Variants in PTPRG observed in about 807,000 individuals in gnomAD.
PTPRG encodes the protein protein tyrosine phosphatase receptor type G.
PTPRG carries 102 observed loss-of-function variants against 165.3 expected under a neutral mutation model. That is an observed-to-expected ratio of 0.62 (90% CI 0.53 to 0.73). The LOEUF (loss-of-function observed/expected upper bound fraction) is 0.73. Among genes scored for constraint, PTPRG ranks in the 30% least tolerant of loss-of-function variants. PTPRG has a pLI of 0.00. For missense variants in PTPRG, 1,866 were observed against 1,861.4 expected, an observed-to-expected ratio of 1.00 and a Z score of -0.05; for synonymous variants, 675 against 669.5, an observed-to-expected ratio of 1.01 and a Z score of -0.13.
chr3:62,067,128 T>C (rs994088760), intron 4 of PTPRG, among the ~76,000 whole-genome samples: 23 of 151,042 alleles, frequency 1.5e-4, no homozygotes, highest in Non-Finnish European at 4.4e-5. Context: ...GGTTCAGTAG[T>C]GGTGTGAAAG....
intron 3 of PTPRG, among the ~76,000 whole-genome samples, chr3:61,995,080 CTTTCTTTTTTT>C (rs2040991642): frequency 4.7e-5 from 5 of 107,382 alleles, no homozygotes; most frequent in Admixed American, 1.8e-4. Flanking sequence ...TCTTTTCTTT[CTTTCTTTTTTT>C]TTTTTTTTTT....
intron 27 of PTPRG, among the ~76,000 whole-genome samples, 180 bp from the exon 28 acceptor site, chr3:62,282,539 TAAAAAACA>T (rs1185567022): frequency 2.7e-5 from 4 of 145,906 alleles, no homozygotes; most frequent in Non-Finnish European, 6.0e-5. Flanking sequence ...ATGCTTTTTT[TAAAAAACA>T]AAAAAACAAA....
At chr3:61,713,391 T>G (rs2031660056) in intron 1 of PTPRG, among the ~76,000 whole-genome samples, 1 of 151,212 alleles carries the variant, frequency 6.6e-6, no homozygotes, top group Non-Finnish European at 1.5e-5. Context: ...CAGGATTGTC[T>G]CAAACTCCTG....
intron 1 of PTPRG, among the ~76,000 whole-genome samples, chr3:61,656,712 G>A (rs1702518928): frequency 6.6e-6 from 1 of 152,206 alleles, no homozygotes; most frequent in Admixed American, 6.5e-5. Flanking sequence ...CCTGGGTCAT[G>A]TCCAACATTC....
intron 2 of PTPRG, among the ~76,000 whole-genome samples, chr3:61,964,349 C>T (rs191447989): frequency 2.6e-5 from 4 of 152,248 alleles, no homozygotes; most frequent in Admixed American, 6.5e-5. Context: ...AGGCGGGAAA[C>T]GTCATGGGAA....
chr3:62,004,369 C>G (rs545099846), intron 4 of PTPRG, among the ~76,000 whole-genome samples: 3 of 152,208 alleles, frequency 2.0e-5, no homozygotes, highest in Non-Finnish European at 4.4e-5. Flanking sequence ...ATTGACCCTT[C>G]TGCTCTTAAA....
chr3:62,015,828 G>C (rs1010410), intron 4 of PTPRG, among the ~76,000 whole-genome samples: 133,461 of 152,138 alleles, frequency 0.88, 58,835 homozygotes, highest in East Asian at 1. Flanking sequence ...AGATGCTCGT[G>C]GAGGGGATAT....
chr3:61,713,466 C>T (rs932130041), intron 1 of PTPRG, among the ~76,000 whole-genome samples: 25 of 151,918 alleles, frequency 1.6e-4, no homozygotes, highest in African/African-American at 5.3e-4. Flanking sequence ...CCACTGCACC[C>T]GGGCTGAAAC....
rs114695467 is a variant in PTPRG at position 62,058,333 on chromosome 3, A to T, written c.520-19830A>T. ...ATGACATTTGGATATGCACTTATTT[A>T]TTATTATTATTATTTTTTTTAGAGA... On this transcript the variant is annotated intron_variant, in intron 4 of 29. Coordinates refer to ENST00000474889, the MANE Select transcript of PTPRG (RefSeq NM_002841.4). 6.8e-3 allele frequency among the ~76,000 whole-genome samples: 1,033 copies of T among 151,814 alleles called. 15 individuals are homozygous for T. The highest frequency in any genetic ancestry group is 0.024 in the African/African-American group (983 of 41,280).
At chr3:61,907,192 A>G (rs80258912) in intron 2 of PTPRG, among the ~76,000 whole-genome samples, 14 of 151,896 alleles carry the variant, frequency 9.2e-5, no homozygotes, top group Non-Finnish European at 1.3e-4. Context: ...ATTATAGAAT[A>G]TGATAACTAC....
chr3:61,757,584 T>G (rs573171461), intron 2 of PTPRG, among the ~76,000 whole-genome samples: 5 of 152,192 alleles, frequency 3.3e-5, no homozygotes, highest in Non-Finnish European at 7.3e-5. Flanking sequence ...TGAACTGATA[T>G]TGACTTAGTT....
chr3:61,785,078 A>G (rs747484819), intron 2 of PTPRG, among the ~76,000 whole-genome samples: 4 of 152,234 alleles, frequency 2.6e-5, no homozygotes, highest in Non-Finnish European at 5.9e-5. Context: ...GGCTAATTAC[A>G]TGCAGAAATG....
intron 2 of PTPRG, among the ~76,000 whole-genome samples, chr3:61,937,394 C>T (rs968267573): frequency 1.3e-5 from 2 of 152,174 alleles, no homozygotes; most frequent in Non-Finnish European, 2.9e-5. Context: ...TCTTTCACAT[C>T]CCAGACATGG....
intron 4 of PTPRG, among the ~76,000 whole-genome samples, chr3:62,076,439 A>C (rs1701387769): frequency 6.6e-6 from 1 of 152,228 alleles, no homozygotes; most frequent in Non-Finnish European, 1.5e-5. Flanking sequence ...TTTATGCCTA[A>C]GAAAGCTGGT....
chr3:61,762,672 C>T (rs1289668150), intron 2 of PTPRG, among the ~76,000 whole-genome samples: 2 of 152,120 alleles, frequency 1.3e-5, no homozygotes, highest in African/African-American at 4.8e-5. Flanking sequence ...CCTAAATTCC[C>T]ACGGAAGTCA....
At chr3:61,925,886 A>T (rs770833545) in intron 2 of PTPRG, 1 of 498,334 alleles carries the variant, frequency 2.0e-6, no homozygotes, top group Non-Finnish European at 4.0e-6. Context: ...TACTGTTCCA[A>T]CAAAATCCCT....
At chr3:61,655,872 G>GT (rs1404563023) in intron 1 of PTPRG, among the ~76,000 whole-genome samples, 2 of 152,264 alleles carry the variant, frequency 1.3e-5, no homozygotes, top group African/African-American at 4.8e-5. Flanking sequence ...CCAACCAATT[G>GT]TGAAACTGTG....
intron 2 of PTPRG, among the ~76,000 whole-genome samples, chr3:61,906,066 T>C (rs939827653): frequency 1.3e-5 from 2 of 152,174 alleles, no homozygotes; most frequent in Non-Finnish European, 2.9e-5. Context: ...AAAGTACATG[T>C]GACATTATTA....
chr3:61,974,562 A>T (rs542382641), intron 2 of PTPRG, among the ~76,000 whole-genome samples: 105 of 51,206 alleles, frequency 2.1e-3, no homozygotes, highest in African/African-American at 9.2e-3. Flanking sequence ...TAAAAAAAAA[A>T]TTTTTTTTTA....
Sources: allele counts gnomAD v4.1 joint callset (sites outside exome capture counted in the v4.1 genomes callset), GRCh38; gene constraint gnomAD v4.1.1; transcripts MANE v1.5; gene names NCBI Gene and HGNC (gene_info 2026-07-23, HGNC 2026-07-21).